Variants in MSRB3 observed in about 807,000 individuals in gnomAD.
MSRB3 encodes the protein methionine-R-sulfoxide reductase B3.
Under a neutral mutation model 21.0 loss-of-function variants are expected in MSRB3, and 13 were observed. The ratio of observed to expected loss-of-function variants is 0.62; its 90% CI spans 0.40 to 0.98. MSRB3 has a LOEUF of 0.98. Ranked by LOEUF, MSRB3 falls within the 50% of genes least tolerant of loss-of-function variation. The probability of loss-of-function intolerance (pLI) is 0.00; values close to 1 mark genes in which losing one functional copy is unlikely to be tolerated. For missense variants in MSRB3, 199 were observed against 230.3 expected (o/e 0.86, Z 0.88); for synonymous variants, 87 against 88.6 (o/e 0.98, Z 0.10).
chr12:65,299,779 C>G (rs1036201665), intron 1 of MSRB3, among the ~76,000 whole-genome samples: 4 of 152,126 alleles, frequency 2.6e-5, no homozygotes, highest in African/African-American at 4.8e-5. Context: ...TTCTTTCCAG[C>G]CTTCTTTACA....
intron 2 of MSRB3, among the ~76,000 whole-genome samples, chr12:65,325,891 A>G (rs767846621): frequency 2.0e-5 from 3 of 152,202 alleles, no homozygotes; most frequent in African/African-American, 4.8e-5. Flanking sequence ...GTAAAATAAA[A>G]TACTACATAT....
chr12:65,416,021 C>T (rs1261345934), intron 5 of MSRB3, among the ~76,000 whole-genome samples: 1 of 152,126 alleles, frequency 6.6e-6, no homozygotes, highest in Non-Finnish European at 1.5e-5. Context: ...GGTGGGATCT[C>T]CAGGGAGGTG....
intron 1 of MSRB3, among the ~76,000 whole-genome samples, chr12:65,296,432 C>G (rs1273739342): frequency 1.3e-5 from 2 of 152,216 alleles, no homozygotes; most frequent in African/African-American, 4.8e-5. Flanking sequence ...AACGTTCTCT[C>G]ATTTAACTCT....
chr12:65,423,738 C>T (rs373693390), intron 5 of MSRB3, among the ~76,000 whole-genome samples: 81 of 152,216 alleles, frequency 5.3e-4, no homozygotes, highest in African/African-American at 1.9e-3. Context: ...ATTTAGTTTT[C>T]TAATATTTTG....
chr12:65,298,003 CTT>C (rs58659084), intron 1 of MSRB3, among the ~76,000 whole-genome samples: 1 of 145,778 alleles, frequency 6.9e-6, no homozygotes. Flanking sequence ...GATGGGTCTA[CTT>C]TTTTTTTTTT....
At chr12:65,312,158 A>G (rs1219052908) in intron 2 of MSRB3, among the ~76,000 whole-genome samples, 1 of 152,046 alleles carries the variant, frequency 6.6e-6, no homozygotes, top group Non-Finnish European at 1.5e-5. Flanking sequence ...CTTCATCTTT[A>G]TGAGGAATTA....
chr12:65,290,848 A>C (rs1196635387), intron 1 of MSRB3, among the ~76,000 whole-genome samples: 10 of 152,222 alleles, frequency 6.6e-5, no homozygotes, highest in Admixed American at 6.5e-4. Context: ...TTAAAATCAG[A>C]CATATATAAT....
chr12:65,338,910 A>G (rs974193742), intron 4 of MSRB3, among the ~76,000 whole-genome samples: 1 of 152,038 alleles, frequency 6.6e-6, no homozygotes, highest in Non-Finnish European at 1.5e-5. Flanking sequence ...CCCTGTCTCT[A>G]CTAAAACACA....
At chr12:65,342,058 A>G (rs535802839) in intron 4 of MSRB3, among the ~76,000 whole-genome samples, 1 of 152,152 alleles carries the variant, frequency 6.6e-6, no homozygotes, top group Non-Finnish European at 1.5e-5. Context: ...AGGGGAAAAT[A>G]GAAGTGGGAA....
intron 5 of MSRB3, among the ~76,000 whole-genome samples, chr12:65,390,119 A>C (rs1879398627): frequency 6.6e-6 from 1 of 152,150 alleles, no homozygotes; most frequent in Admixed American, 6.6e-5. Flanking sequence ...TTCTAGTTCA[A>C]AGTAGTCATC....
intron 6 of MSRB3, among the ~76,000 whole-genome samples, chr12:65,459,466 G>A (rs1312045521): frequency 6.6e-6 from 1 of 152,068 alleles, no homozygotes; most frequent in Non-Finnish European, 1.5e-5. Flanking sequence ...CTAAACTGGT[G>A]ACTTCACAGT....
intron 2 of MSRB3, 64 bp from the exon 3 acceptor site, chr12:65,326,762 C>A: frequency 1.5e-6 from 2 of 1,320,890 alleles, no homozygotes; most frequent in Non-Finnish European, 2.2e-6. Flanking sequence ...TGGCGGTCAG[C>A]CAAAGCAATT....
intron 5 of MSRB3, among the ~76,000 whole-genome samples, chr12:65,438,491 A>G (rs1353226110): frequency 6.6e-6 from 1 of 151,914 alleles, no homozygotes; most frequent in Non-Finnish European, 1.5e-5. Flanking sequence ...GGTAAAGCCT[A>G]GCAAGATGAT....
At chr12:65,379,431 G>A (rs1732780336) in intron 5 of MSRB3, among the ~76,000 whole-genome samples, 1 of 152,118 alleles carries the variant, frequency 6.6e-6, no homozygotes, top group African/African-American at 2.4e-5. Flanking sequence ...AATCATGTCA[G>A]TATACTTAAA....
chr12:65,355,364 A>G (rs1432055872), intron 4 of MSRB3, among the ~76,000 whole-genome samples: 3 of 151,968 alleles, frequency 2.0e-5, no homozygotes, highest in Non-Finnish European at 4.4e-5. Context: ...TACCACCACC[A>G]GTGAGTAGAC....
intron 5 of MSRB3, among the ~76,000 whole-genome samples, chr12:65,413,914 G>A (rs776762658): frequency 1.1e-4 from 16 of 152,038 alleles, no homozygotes; most frequent in Non-Finnish European, 1.9e-4. Flanking sequence ...AGAAAGGGAA[G>A]CTGACAATGT....
intron 4 of MSRB3, among the ~76,000 whole-genome samples, chr12:65,355,113 A>C (rs1261810088): frequency 1.3e-5 from 2 of 151,898 alleles, no homozygotes; most frequent in Admixed American, 1.3e-4. Flanking sequence ...TTAGAAAAGG[A>C]GATTAATTTT....
intron 4 of MSRB3, among the ~76,000 whole-genome samples, chr12:65,353,906 T>G (rs1180153303): frequency 6.6e-6 from 1 of 151,988 alleles, no homozygotes; most frequent in Non-Finnish European, 1.5e-5. Flanking sequence ...CAGGAGCTCT[T>G]TTAGGGCAGG....
At chr12:65,396,503 C>T (rs1879786631) in intron 5 of MSRB3, among the ~76,000 whole-genome samples, 1 of 152,036 alleles carries the variant, frequency 6.6e-6, no homozygotes, top group Non-Finnish European at 1.5e-5. Context: ...CCAGCCTGGT[C>T]AACATGGTGA....
Sources: allele counts gnomAD v4.1 joint callset (sites outside exome capture counted in the v4.1 genomes callset), GRCh38; gene constraint gnomAD v4.1.1; transcripts MANE v1.5; gene names NCBI Gene and HGNC (gene_info 2026-07-23, HGNC 2026-07-21).